The following NKAIN2 variants were observed in gnomAD, a reference collection of about 807,000 sequenced individuals.
NKAIN2 encodes the protein sodium/potassium transporting ATPase interacting 2.
NKAIN2 carries 14 observed loss-of-function variants against 32.6 expected under a neutral mutation model. The ratio of observed to expected loss-of-function variants is 0.43; its 90% CI spans 0.28 to 0.67. NKAIN2 has a LOEUF of 0.67. NKAIN2 is among the 30% of genes least tolerant of loss of function. The pLI, the probability that NKAIN2 is intolerant of heterozygous loss-of-function variation, is 0.17. For missense variants in NKAIN2, 198 were observed against 258.3 expected (o/e 0.77, Z 1.60); for synonymous variants, 80 against 87.2 (o/e 0.92, Z 0.46).
chr6:123,956,101 T>G lies in NKAIN2; in HGVS notation c.54+151847T>G, dbSNP rs117158728. Among the ~76,000 whole-genome samples the G allele has an allele frequency of 6.4e-3, 974 of 152,306 alleles. 6 individuals carry two copies. The highest frequency in any genetic ancestry group is 0.011 in the Non-Finnish European group (748 of 68,026). ...ATATTTAAAAGCAGTATTTCATTCT[T>G]AAACTTTACGTAATTACATGTAAAA... is the stretch of plus-strand genomic sequence containing the variant. On this transcript the variant is annotated intron_variant, in intron 1 of 6. Coordinates refer to ENST00000368417, the MANE Select transcript of NKAIN2 (RefSeq NM_001040214.3).
chr6:124,056,685 C>A (rs1484529446), intron 1 of NKAIN2, among the ~76,000 whole-genome samples: 1 of 152,012 alleles, frequency 6.6e-6, no homozygotes, highest in Non-Finnish European at 1.5e-5. Context: ...CAATGGTGCT[C>A]TCTGATATGG....
chr6:124,697,296 G>C (rs6903142), intron 4 of NKAIN2, among the ~76,000 whole-genome samples: 39,522 of 151,982 alleles, frequency 0.26, 5,598 homozygotes, highest in East Asian at 0.52. Context: ...AGAAGGAAAA[G>C]ATGTCTTGTG....
intron 1 of NKAIN2, among the ~76,000 whole-genome samples, chr6:124,017,497 T>G (rs1483648066): frequency 1.3e-5 from 2 of 152,176 alleles, no homozygotes; most frequent in African/African-American, 2.4e-5. Context: ...GCAAGTCCCT[T>G]CTGCCTATGA....
At chr6:124,233,104 A>G (rs558792529) in intron 1 of NKAIN2, among the ~76,000 whole-genome samples, 1 of 152,152 alleles carries the variant, frequency 6.6e-6, no homozygotes, top group African/African-American at 2.4e-5. Flanking sequence ...ATGACCTATG[A>G]GCTACCATCA....
At chr6:124,169,555 T>C (rs538655566) in intron 1 of NKAIN2, among the ~76,000 whole-genome samples, 2 of 152,314 alleles carry the variant, frequency 1.3e-5, no homozygotes, top group African/African-American at 4.8e-5. Flanking sequence ...ATAAGTTCAC[T>C]GACTTACAGA....
chr6:124,127,833 C>T (rs529565643), intron 1 of NKAIN2, among the ~76,000 whole-genome samples: 2 of 151,834 alleles, frequency 1.3e-5, no homozygotes, highest in African/African-American at 4.8e-5. Context: ...GTTGCTATTC[C>T]CGTTTTTTTT....
chr6:123,809,351 AC>A (rs2114857990), intron 1 of NKAIN2, among the ~76,000 whole-genome samples: 1 of 68 alleles, frequency 0.015, no homozygotes, highest in South Asian at 0.5. Context: ...CTTTTTTCAT[AC>A]AATGATAGAA....
intron 2 of NKAIN2, among the ~76,000 whole-genome samples, chr6:124,343,188 T>TC (rs1334184121): frequency 3.3e-5 from 5 of 152,094 alleles, no homozygotes; most frequent in African/African-American, 7.2e-5. Context: ...TGCATAGTAT[T>TC]CATGGTGTAT....
chr6:124,088,483 G>A (rs1197957185), intron 1 of NKAIN2, among the ~76,000 whole-genome samples: 1 of 151,908 alleles, frequency 6.6e-6, no homozygotes, highest in African/African-American at 2.4e-5. Flanking sequence ...TTATCTTAGA[G>A]GTGTCTTTAT....
chr6:123,860,827 A>G (rs954770599), intron 1 of NKAIN2, among the ~76,000 whole-genome samples: 5 of 152,014 alleles, frequency 3.3e-5, no homozygotes, highest in Non-Finnish European at 4.4e-5. Flanking sequence ...TGCACTTCTC[A>G]TGTCATGTCT....
intron 3 of NKAIN2, among the ~76,000 whole-genome samples, chr6:124,539,809 C>T (rs977646758): frequency 6.6e-6 from 1 of 152,114 alleles, no homozygotes; most frequent in Non-Finnish European, 1.5e-5. Context: ...CAACCTCCGC[C>T]TCCTGGGTTC....
intron 3 of NKAIN2, among the ~76,000 whole-genome samples, chr6:124,509,104 G>A (rs78636403): frequency 0.013 from 2,036 of 152,274 alleles, 43 homozygotes; most frequent in African/African-American, 0.045. Context: ...AAGTCAAGGG[G>A]TGAGTAAATA....
chr6:124,751,304 A>G (rs1777706838), intron 4 of NKAIN2, among the ~76,000 whole-genome samples: 1 of 152,018 alleles, frequency 6.6e-6, no homozygotes. Context: ...AGGCCTTTAA[A>G]AAGATTTACT....
At chr6:124,502,372 G>T (rs1778325109) in intron 3 of NKAIN2, among the ~76,000 whole-genome samples, 1 of 152,232 alleles carries the variant, frequency 6.6e-6, no homozygotes, top group Admixed American at 6.5e-5. Context: ...AAGAACAAAA[G>T]GATGTACAGT....
At chr6:124,071,270 T>A (rs1783450497) in intron 1 of NKAIN2, among the ~76,000 whole-genome samples, 1 of 152,172 alleles carries the variant, frequency 6.6e-6, no homozygotes, top group Non-Finnish European at 1.5e-5. Context: ...GCTAGCCATA[T>A]GCAAGAGAAT....
chr6:124,070,805 A>T (rs570407598), intron 1 of NKAIN2, among the ~76,000 whole-genome samples: 1 of 152,300 alleles, frequency 6.6e-6, no homozygotes, highest in Non-Finnish European at 1.5e-5. Context: ...AACCAAAGCA[A>T]TCCTAAGCAA....
intron 1 of NKAIN2, among the ~76,000 whole-genome samples, chr6:124,077,967 A>G (rs1245639275): frequency 6.6e-6 from 1 of 152,110 alleles, no homozygotes; most frequent in Non-Finnish European, 1.5e-5. Context: ...AATTATTTAA[A>G]ATACCTTAGC....
chr6:124,488,262 C>CT (rs1777731250), intron 3 of NKAIN2, among the ~76,000 whole-genome samples: 1 of 152,024 alleles, frequency 6.6e-6, no homozygotes, highest in Non-Finnish European at 1.5e-5. Context: ...TGTCAACCTA[C>CT]TGCCCATTGC....
chr6:123,959,024 A>G (rs1438869137), intron 1 of NKAIN2, among the ~76,000 whole-genome samples: 1 of 152,184 alleles, frequency 6.6e-6, no homozygotes, highest in Non-Finnish European at 1.5e-5. Flanking sequence ...TGGGTGATTT[A>G]TTCAAGTTAT....
Sources: allele counts gnomAD v4.1 joint callset (sites outside exome capture counted in the v4.1 genomes callset), GRCh38; gene constraint gnomAD v4.1.1; transcripts MANE v1.5; gene names NCBI Gene and HGNC (gene_info 2026-07-23, HGNC 2026-07-21).